Variants in GABRR3 observed in about 807,000 individuals in gnomAD.
The protein encoded by GABRR3 is gamma-aminobutyric acid type A receptor subunit rho3, also known as gamma-aminobutyric acid receptor subunit rho-3.
Under a neutral mutation model 43.2 loss-of-function variants are expected in GABRR3, and 29 were observed. The observed-to-expected ratio is 0.67, with a 90% CI of 0.50 to 0.92. GABRR3 has a LOEUF of 0.92. GABRR3 is among the 40% of genes least tolerant of loss of function. The pLI is 0.00. For synonymous variants in GABRR3, 206 were observed against 195.9 expected (o/e 1.05, Z -0.43); for missense variants, 576 against 572.3 (o/e 1.01, Z -0.07).
intron 4 of GABRR3, among the ~76,000 whole-genome samples, chr3:98,013,876 A>T (rs903560942): frequency 1.3e-5 from 2 of 152,222 alleles, no homozygotes; most frequent in African/African-American, 4.8e-5. Context: ...CTGGGCAAAC[A>T]CTGAGTTTAT....
intron 2 of GABRR3, among the ~76,000 whole-genome samples, chr3:98,028,578 G>A (rs1364752633): frequency 6.6e-6 from 1 of 152,110 alleles, no homozygotes; most frequent in East Asian, 1.9e-4. Flanking sequence ...TTACACGCTG[G>A]GGCAATACTC....
At chr3:98,002,479 T>C (rs2107232768) in intron 7 of GABRR3, among the ~76,000 whole-genome samples, 1 of 152,280 alleles carries the variant, frequency 6.6e-6, no homozygotes, top group South Asian at 2.1e-4. Context: ...ACAAGGAAGT[T>C]TAAAGCCAAA....
intron 4 of GABRR3, among the ~76,000 whole-genome samples, chr3:98,014,275 C>T (rs574107939): frequency 6.6e-6 from 1 of 152,276 alleles, no homozygotes; most frequent in East Asian, 1.9e-4. Context: ...CTGGGTCATT[C>T]AGAAATGACT....
intron 4 of GABRR3, among the ~76,000 whole-genome samples, chr3:98,015,137 A>G (rs1444271376): frequency 2.6e-5 from 4 of 152,262 alleles, no homozygotes. Flanking sequence ...AAATCTTTTC[A>G]GATGGAAAAT....
intron 5 of GABRR3, 151 bp downstream of exon 5, chr3:98,012,193 G>C: frequency 1.6e-6 from 1 of 637,224 alleles, no homozygotes; most frequent in Non-Finnish European, 2.8e-6. Flanking sequence ...GTTAGAACCA[G>C]GGGAAAATCA....
intron 7 of GABRR3, among the ~76,000 whole-genome samples, chr3:98,001,974 C>A (rs557264081): frequency 6.6e-6 from 1 of 152,186 alleles, no homozygotes; most frequent in South Asian, 2.1e-4. Flanking sequence ...TCAAAGATCC[C>A]CTTTAACTTC....
At position 98,034,851 on chromosome 3, in the gene GABRR3, T is replaced by G. The variant is rs1403426481; in HGVS notation, c.125+12A>C. 6.2e-7 allele frequency: 1 copy of G among 1,612,720 alleles called. No individual in the cohort carries two copies. ...GGCAGTAATTCCATGGACTGCACTA[T>G]GAGCATCTTACCAGGTTTGTTTCAT... is the stretch of plus-strand genomic sequence containing the variant. On this transcript the variant is annotated intron_variant, in intron 2 of 9. Coordinates refer to ENST00000621172, the Ensembl canonical transcript of GABRR3.
intron 2 of GABRR3, among the ~76,000 whole-genome samples, chr3:98,030,480 G>C (rs1371751314): frequency 6.6e-6 from 1 of 152,094 alleles, no homozygotes; most frequent in African/African-American, 2.4e-5. Flanking sequence ...TCTATGCTAT[G>C]ATTTTAAACA....
At chr3:98,027,485 C>T (rs1162472428) in intron 2 of GABRR3, among the ~76,000 whole-genome samples, 1 of 152,196 alleles carries the variant, frequency 6.6e-6, no homozygotes. Flanking sequence ...AATGTGTGTG[C>T]TCAGAAGCAT....
At chr3:98,004,808 G>C (rs576180518) in intron 7 of GABRR3, among the ~76,000 whole-genome samples, 3 of 152,012 alleles carry the variant, frequency 2.0e-5, no homozygotes, top group Non-Finnish European at 2.9e-5. Context: ...GGTTGTGGCT[G>C]GTAGTTGTAA....
Position 98,015,950 on chromosome 3 carries a change from C to G in GABRR3, c.306+1705G>C, listed in dbSNP as rs191934359. Among the ~76,000 whole-genome samples, 24 of 152,268 alleles carry G rather than the reference C, an allele frequency of 1.6e-4. No individual in the cohort carries two copies. The East Asian group carries it at 4.5e-3, about 28-fold the overall frequency. Reference sequence around the variant, plus strand: ...AAAGAGGTTTAATTGACTCACAGTTCTGCATGGCTGGGGAGGCCTCACGAA... The same window carrying G: ...AAAGAGGTTTAATTGACTCACAGTTGTGCATGGCTGGGGAGGCCTCACGAA... On this transcript the variant is annotated intron_variant, in intron 4 of 9. Transcript: ENST00000621172.
At chr3:98,021,147 G>A (rs1303191288) in intron 3 of GABRR3, among the ~76,000 whole-genome samples, 1 of 152,050 alleles carries the variant, frequency 6.6e-6, no homozygotes, top group Non-Finnish European at 1.5e-5. Flanking sequence ...TTACAGGCGT[G>A]AGCCACTGCA....
rs1296362698 is a variant in GABRR3 at position 98,017,635 on chromosome 3, T to C, written c.306+20A>G. 1.3e-6 allele frequency: 2 copies of C among 1,584,408 alleles called. No individual in the cohort carries two copies. The highest frequency in any genetic ancestry group is 2.2e-5 in the East Asian group (1 of 44,456). On this transcript the variant is annotated intron_variant, in intron 4 of 9. Transcript: ENST00000621172. ...TTCTGTCTTTTCAGAAAAAGAGCAA[T>C]ATCCCATGAAGAAACTTACCATGTT...
At chr3:97,986,901 G>T (rs1706394101) in exon 10 of GABRR3, 1 of 1,611,384 alleles carries the variant, frequency 6.2e-7, no homozygotes, top group African/African-American at 1.3e-5. Flanking sequence ...AGGGAAGTCT[G>T]GTCCATGTCA....
intron 7 of GABRR3, 182 bp downstream of exon 7, chr3:98,007,582 G>A (rs1706736905): frequency 1.2e-5 from 2 of 167,330 alleles, no homozygotes; most frequent in East Asian, 3.8e-4. Context: ...AGAGGTGGCT[G>A]CATGAGTGGG....
chr3:98,016,586 A>G (rs1308271780), intron 4 of GABRR3, among the ~76,000 whole-genome samples: 2 of 152,180 alleles, frequency 1.3e-5, no homozygotes, highest in Admixed American at 6.5e-5. Context: ...TAAGACAACA[A>G]GGAAACAGGT....
At position 98,004,003 on chromosome 3, in the gene GABRR3, G is replaced by C. The variant is rs899830807; in HGVS notation, c.755-2236C>G. On this transcript the variant is annotated intron_variant, in intron 7 of 9. Transcript: ENST00000621172. ...CGGGTACATCTGCCTCCATTAGTTT[G>C]CCATACAGTAGAAAGAAGAGGAGTT... Among the ~76,000 whole-genome samples the C allele has an allele frequency of 3.9e-5, 6 of 152,222 alleles. No homozygotes were observed. In the East Asian group the frequency reaches 1.2e-3, roughly 29 times the overall value.
Position 98,007,155 on chromosome 3 carries a change from T to C in GABRR3, c.754+609A>G, listed in dbSNP as rs1706732225. ...CTGTGATGACCGAGATAGGGAACGGTGAGAAAGGAAGCCTGTTTTACACGG... is the reference window on the plus strand; with the variant it reads ...CTGTGATGACCGAGATAGGGAACGGCGAGAAAGGAAGCCTGTTTTACACGG... On this transcript the variant is annotated intron_variant, in intron 7 of 9. Transcript: ENST00000621172. 1.3e-5 allele frequency among the ~76,000 whole-genome samples: 2 copies of C among 151,134 alleles called. 1 individual carries two copies. Among genetic ancestry groups the C allele is most frequent in the South Asian group, 4.2e-4 (2 of 4,706 alleles).
chr3:97,988,625 G>C (rs532234462), intron 9 of GABRR3, among the ~76,000 whole-genome samples: 1 of 150,890 alleles, frequency 6.6e-6, no homozygotes, highest in East Asian at 2.0e-4. Flanking sequence ...GGTGGTGGTG[G>C]TGAATGGTGG....
Sources: allele counts gnomAD v4.1 joint callset (sites outside exome capture counted in the v4.1 genomes callset), GRCh38; gene constraint gnomAD v4.1.1; transcripts MANE v1.5; gene names NCBI Gene and HGNC (gene_info 2026-07-23, HGNC 2026-07-21).